Variants in LUZP2 observed in about 807,000 individuals in gnomAD.
LUZP2 encodes leucine zipper protein 2.
In LUZP2, 52 loss-of-function variants were observed where a neutral mutation model predicts 51.6. The ratio of observed to expected loss-of-function variants is 1.01; its 90% CI spans 0.81 to 1.27. The LOEUF (loss-of-function observed/expected upper bound fraction) is 1.27, where lower values mean the gene tolerates loss of function less well. Ranked by LOEUF, LUZP2 falls within the 50% of genes most tolerant of loss-of-function variation. The probability of loss-of-function intolerance (pLI) is 0.00; values close to 1 mark genes in which losing one functional copy is unlikely to be tolerated. For synonymous variants in LUZP2, 154 were observed against 137.3 expected (o/e 1.12, Z -0.85); for missense variants, 436 against 395.4 (o/e 1.10, Z -0.87).
intron 1 of LUZP2, among the ~76,000 whole-genome samples, chr11:24,506,777 T>C (rs1850157901): frequency 6.6e-6 from 1 of 152,038 alleles, no homozygotes; most frequent in South Asian, 2.1e-4. Context: ...TTTGCACTCA[T>C]TAAATGACTA....
chr11:24,946,640 T>C (rs575996075), intron 7 of LUZP2, among the ~76,000 whole-genome samples: 9 of 152,042 alleles, frequency 5.9e-5, no homozygotes, highest in African/African-American at 1.9e-4. Flanking sequence ...TTCTTTTTTT[T>C]CTAATATTTT....
intron 1 of LUZP2, among the ~76,000 whole-genome samples, chr11:24,692,316 A>G (rs553724244): frequency 6.6e-6 from 1 of 152,184 alleles, no homozygotes; most frequent in East Asian, 1.9e-4. Flanking sequence ...ATCAGGTTCT[A>G]CGTTCCTGCA....
At chr11:25,043,387 T>A (rs1858137955) in intron 9 of LUZP2, among the ~76,000 whole-genome samples, 1 of 152,080 alleles carries the variant, frequency 6.6e-6, no homozygotes, top group Non-Finnish European at 1.5e-5. Context: ...AAGTAAATCA[T>A]ACATCTTCAA....
intron 7 of LUZP2, among the ~76,000 whole-genome samples, chr11:24,921,102 A>T (rs1854038947): frequency 6.6e-6 from 1 of 152,070 alleles, no homozygotes; most frequent in Non-Finnish European, 1.5e-5. Flanking sequence ...TCTCCCACTG[A>T]TAGGATTAAC....
rs556170280 is a variant in LUZP2, at chr11:24,595,645, G to T, written c.62+98340G>T. On this transcript the variant is annotated intron_variant, in intron 1 of 11. Transcript: ENST00000336930. ...ATGAGTTTATGCCTCCCCATAGCCA[G>T]TTACAAAAGCAAGATCATAGCTATT... 2.0e-3 allele frequency among the ~76,000 whole-genome samples: 309 copies of T among 152,226 alleles called. 1 individual carries two copies. The highest frequency in any genetic ancestry group is 7.1e-3 in the African/African-American group (297 of 41,540).
chr11:24,967,320 A>T (rs1400900628), intron 7 of LUZP2, among the ~76,000 whole-genome samples: 19 of 152,094 alleles, frequency 1.2e-4, no homozygotes, highest in Non-Finnish European at 2.9e-5. Context: ...CTCGTGTTCA[A>T]CAGCAAAAAT....
intron 7 of LUZP2, among the ~76,000 whole-genome samples, chr11:24,966,957 C>T (rs1565170475): frequency 6.7e-6 from 1 of 149,514 alleles, no homozygotes; most frequent in African/African-American, 2.4e-5. Flanking sequence ...ATTTATTAAA[C>T]TTAGTATTTT....
At chr11:25,062,587 CAAAAAAAAA>C (rs1163708322) in intron 10 of LUZP2, among the ~76,000 whole-genome samples, 2 of 43,092 alleles carry the variant, frequency 4.6e-5, no homozygotes, top group African/African-American at 5.8e-5. Context: ...AAGACCCTGT[CAAAAAAAAA>C]AAAAAAAAAA....
intron 5 of LUZP2, among the ~76,000 whole-genome samples, chr11:24,765,875 C>T (rs763696591): frequency 1.3e-5 from 2 of 152,100 alleles, no homozygotes; most frequent in Non-Finnish European, 2.9e-5. Flanking sequence ...ATCCGCCTGC[C>T]TAGGCCTCCC....
intron 1 of LUZP2, among the ~76,000 whole-genome samples, chr11:24,569,034 G>C (rs1876822): frequency 6.6e-6 from 1 of 151,696 alleles, no homozygotes; most frequent in Non-Finnish European, 1.5e-5. Flanking sequence ...AGAAGTTAAA[G>C]TTTCTAAAAT....
intron 1 of LUZP2, among the ~76,000 whole-genome samples, chr11:24,643,656 G>T (rs763659075): frequency 6.6e-6 from 1 of 151,968 alleles, no homozygotes. Flanking sequence ...AAATTATCCC[G>T]AACAACCCCA....
intron 1 of LUZP2, among the ~76,000 whole-genome samples, chr11:24,663,325 C>T (rs987734528): frequency 6.6e-6 from 1 of 152,056 alleles, no homozygotes; most frequent in South Asian, 2.1e-4. Flanking sequence ...CTCTCTTTCT[C>T]CTGCTCCATC....
At chr11:24,579,585 A>C (rs564598984) in intron 1 of LUZP2, among the ~76,000 whole-genome samples, 2 of 152,216 alleles carry the variant, frequency 1.3e-5, no homozygotes, top group African/African-American at 4.8e-5. Context: ...AATTTACTTG[A>C]CTACTGATGT....
At chr11:24,842,304 A>G (rs1050293015) in intron 5 of LUZP2, among the ~76,000 whole-genome samples, 2 of 150,232 alleles carry the variant, frequency 1.3e-5, no homozygotes, top group African/African-American at 4.9e-5. Flanking sequence ...TAATTTGTAT[A>G]GTAAATTAAA....
At chr11:24,831,779 T>A (rs2631491) in intron 5 of LUZP2, 3 of 152,350 alleles carry the variant, frequency 2.0e-5, no homozygotes, top group Non-Finnish European at 4.4e-5. Flanking sequence ...CTTTAAAAAC[T>A]TTGGAAAGGC....
At chr11:24,603,727 C>A (rs11028057) in intron 1 of LUZP2, among the ~76,000 whole-genome samples, 41,040 of 151,096 alleles carry the variant, frequency 0.27, 5,756 homozygotes, top group Admixed American at 0.33. Flanking sequence ...AATTTATTAG[C>A]AGAACATGTG....
Position 25,079,438 on chromosome 11 carries a change from A to C in LUZP2, c.*780A>C, listed in dbSNP as rs1167168093. On this transcript the variant is annotated 3_prime_UTR_variant, in exon 12 of 12. Transcript: ENST00000336930. Reference sequence around the variant, plus strand: ...ATGAAGTTGGGTAGTGGAATAGGGAATGAAGAGTGAGTTCTAAAATACAAA... The same window carrying C: ...ATGAAGTTGGGTAGTGGAATAGGGACTGAAGAGTGAGTTCTAAAATACAAA... 7.9e-5 allele frequency: 12 copies of C among 152,202 alleles called. No individual in the cohort carries two copies. Among genetic ancestry groups the C allele is most frequent in the Admixed American group, 7.8e-4 (12 of 15,290 alleles). The allele number at this position is 152,202 out of a possible 1,614,324, so 9.4% of individuals were successfully genotyped here. A position where few individuals can be genotyped will look rare whatever the true frequency, so the allele number is the denominator to read the frequency against.
intron 1 of LUZP2, among the ~76,000 whole-genome samples, chr11:24,600,109 A>G (rs894043756): frequency 2.4e-4 from 37 of 151,994 alleles, no homozygotes; most frequent in African/African-American, 8.9e-4. Flanking sequence ...CTACTGAAGT[A>G]AAGTGGGCTC....
intron 7 of LUZP2, among the ~76,000 whole-genome samples, chr11:24,938,547 TA>T (rs1854654587): frequency 6.7e-6 from 1 of 149,678 alleles, no homozygotes; most frequent in African/African-American, 2.5e-5. Flanking sequence ...TAAAATCTAC[TA>T]AAATAATATT....
Sources: allele counts gnomAD v4.1 joint callset (sites outside exome capture counted in the v4.1 genomes callset), GRCh38; gene constraint gnomAD v4.1.1; transcripts MANE v1.5; gene names NCBI Gene and HGNC (gene_info 2026-07-23, HGNC 2026-07-21).